LEF1: variants seen among roughly 807,000 people sequenced by gnomAD.
The protein encoded by LEF1 is lymphoid enhancer binding factor 1.
LEF1 carries 14 observed loss-of-function variants against 51.2 expected under a neutral mutation model. The observed-to-expected ratio is 0.27, with a 90% confidence interval of 0.18 to 0.43. The LOEUF (loss-of-function observed/expected upper bound fraction) is 0.43. Among genes scored for constraint, LEF1 ranks in the 20% least tolerant of loss-of-function variants. LEF1 has a pLI of 1.00. For missense variants in LEF1, 386 were observed against 512.0 expected (o/e 0.75, Z 2.37); for synonymous variants, 185 against 183.2 (o/e 1.01, Z -0.08).
At chr4:108,093,321 G>A (rs187799022) in intron 3 of LEF1, among the ~76,000 whole-genome samples, 2 of 152,250 alleles carry the variant, frequency 1.3e-5, no homozygotes, top group Admixed American at 6.5e-5. Context: ...GCTGGCTACT[G>A]TACACATAGT....
intron 8 of LEF1, 134 bp from the exon 9 acceptor site, chr4:108,070,904 GT>G (rs1738435315): frequency 1.5e-6 from 1 of 649,508 alleles, no homozygotes; most frequent in Admixed American, 2.7e-5. Flanking sequence ...AGAAGACCAA[GT>G]GCCAAGTGCC....
intron 3 of LEF1, among the ~76,000 whole-genome samples, chr4:108,092,559 C>A (rs1342707613): frequency 6.6e-6 from 1 of 152,120 alleles, no homozygotes; most frequent in Non-Finnish European, 1.5e-5. Flanking sequence ...AAGTGAGAAC[C>A]CTGGCACTGC....
chr4:108,085,454 A>G (rs1315845354), intron 4 of LEF1, among the ~76,000 whole-genome samples: 1 of 152,226 alleles, frequency 6.6e-6, no homozygotes, highest in African/African-American at 2.4e-5. Flanking sequence ...CTGTTAAGGC[A>G]TCTGTTTTCT....
intron 3 of LEF1, among the ~76,000 whole-genome samples, chr4:108,133,830 G>C (rs1189175940): frequency 6.6e-6 from 1 of 152,154 alleles, no homozygotes; most frequent in African/African-American, 2.4e-5. Context: ...CATTACATCA[G>C]AAAATAATCT....
chr4:108,114,771 A>G (rs1741733231), intron 3 of LEF1, among the ~76,000 whole-genome samples: 1 of 152,242 alleles, frequency 6.6e-6, no homozygotes, highest in Non-Finnish European at 1.5e-5. Flanking sequence ...AGGGGCTATC[A>G]GGTTACATCA....
chr4:108,132,550 G>A (rs546560111), intron 3 of LEF1, among the ~76,000 whole-genome samples: 1 of 151,038 alleles, frequency 6.6e-6, no homozygotes, highest in African/African-American at 2.4e-5. Context: ...ATTGTTTACT[G>A]AACTAGCCTG....
At chr4:108,137,477 T>C (rs779291199) in intron 3 of LEF1, among the ~76,000 whole-genome samples, 2 of 152,238 alleles carry the variant, frequency 1.3e-5, no homozygotes, top group African/African-American at 4.8e-5. Context: ...GTGGAGTTTT[T>C]ATGTGATAAA....
At chr4:108,126,866 GAT>G (rs1447588085) in intron 3 of LEF1, among the ~76,000 whole-genome samples, 4 of 92,310 alleles carry the variant, frequency 4.3e-5, no homozygotes, top group African/African-American at 8.5e-5. Flanking sequence ...ATTATTTACT[GAT>G]ATGTGTGTGT....
intron 8 of LEF1, 123 bp from the exon 9 acceptor site, chr4:108,070,893 C>A: frequency 1.4e-6 from 1 of 705,592 alleles, no homozygotes; most frequent in Non-Finnish European, 2.3e-6. Flanking sequence ...TTTTAAATTG[C>A]AGAAGACCAA....
intron 3 of LEF1, among the ~76,000 whole-genome samples, chr4:108,099,562 G>GTATATATATATATA (rs1481895769): frequency 3.5e-5 from 2 of 57,654 alleles, no homozygotes; most frequent in East Asian, 8.8e-4. Flanking sequence ...GTGTATGTGT[G>GTATATATATATATA]TGTGTGTGTA....
intron 3 of LEF1, among the ~76,000 whole-genome samples, chr4:108,142,835 GA>G (rs1743758788): frequency 6.6e-6 from 1 of 152,208 alleles, no homozygotes; most frequent in Non-Finnish European, 1.5e-5. Context: ...TATGGATGGA[GA>G]GAGCAGGAAA....
chr4:108,092,205 G>A (rs1012929001), intron 3 of LEF1, among the ~76,000 whole-genome samples: 3 of 152,166 alleles, frequency 2.0e-5, no homozygotes, highest in South Asian at 2.1e-4. Context: ...ATAAGAAGCC[G>A]AGGATTTTAA....
In LEF1 at chr4:108,047,594, T is replaced by A. The variant is rs1018067469; in HGVS notation, c.*1164A>T. 1 of 152,572 alleles carries A rather than the reference T, an allele frequency of 6.6e-6. No homozygotes were observed. The highest frequency in any genetic ancestry group is 1.9e-4 in the East Asian group (1 of 5,184). 9.5% of individuals were successfully genotyped at this position (152,572 alleles called of 1,614,324 possible). A position where few individuals can be genotyped will look rare whatever the true frequency, so the allele number is the denominator to read the frequency against. On this transcript the variant is annotated 3_prime_UTR_variant, in exon 12 of 12. Coordinates refer to ENST00000265165, the MANE Select transcript of LEF1 (RefSeq NM_016269.5). The stretch of plus-strand genomic sequence containing the variant: ...TATTACAAAGCTTCTTTTAAAAAAA[T>A]GCTCAGCACATTAACTCAAACTGGA...
chr4:108,165,382 G>A (rs751961419), intron 1 of LEF1: 21 of 507,462 alleles, frequency 4.1e-5, no homozygotes, highest in Non-Finnish European at 6.6e-5. Context: ...GACCAAAAAC[G>A]TATAAATAAT....
At chr4:108,079,682 A>C in intron 6 of LEF1, 68 bp from the exon 7 acceptor site, 2 of 1,548,778 alleles carry the variant, frequency 1.3e-6, no homozygotes, top group Non-Finnish European at 1.8e-6. Context: ...ATGGAATTTC[A>C]AAGCAATCCA....
intron 3 of LEF1, among the ~76,000 whole-genome samples, chr4:108,116,206 A>C (rs1468616685): frequency 6.6e-6 from 1 of 152,116 alleles, no homozygotes; most frequent in African/African-American, 2.4e-5. Flanking sequence ...AGCTGACAGG[A>C]AAGAGAAACA....
chr4:108,130,759 T>C (rs1742827544), intron 3 of LEF1, among the ~76,000 whole-genome samples: 1 of 151,284 alleles, frequency 6.6e-6, no homozygotes, highest in African/African-American at 2.4e-5. Context: ...TCCAGTTAAA[T>C]TGCTACTAAA....
Position 108,133,537 on chromosome 4 carries a change from A to G in LEF1, c.414+30031T>C, listed in dbSNP as rs1454045811. On this transcript the variant is annotated intron_variant, in intron 3 of 11. Coordinates refer to ENST00000265165, the MANE Select transcript of LEF1 (RefSeq NM_016269.5). ...TGTTGGAGCTCATCCACCTAGGACT[A>G]AAACTATGTCCTTTAAAAAAAAATT... Among the ~76,000 whole-genome samples, 7 of 152,278 alleles carry G rather than the reference A, an allele frequency of 4.6e-5. No homozygotes were observed. In the South Asian group the frequency reaches 1.5e-3, roughly 32 times the overall value.
intron 3 of LEF1, among the ~76,000 whole-genome samples, chr4:108,131,474 A>T (rs752777760): frequency 2.6e-5 from 4 of 152,134 alleles, no homozygotes; most frequent in Non-Finnish European, 5.9e-5. Flanking sequence ...AGACCACCAC[A>T]AAAACACACT....
Sources: gnomAD v4.1 joint callset for allele counts (sites outside exome capture counted in the v4.1 genomes callset) on GRCh38, gnomAD v4.1.1 for gene constraint, MANE v1.5 for transcripts, NCBI Gene and HGNC (gene_info 2026-07-23, HGNC 2026-07-21) for gene names.